Variants in AOPEP observed in about 807,000 individuals in gnomAD.
The protein encoded by AOPEP is aminopeptidase O.
A neutral mutation model predicts 98.1 loss-of-function variants in AOPEP; 77 were observed. The observed-to-expected ratio is 0.78, with a 90% CI of 0.65 to 0.95. AOPEP has a LOEUF of 0.95. Ranked by LOEUF, AOPEP falls within the 40% of genes least tolerant of loss-of-function variation. The probability of loss-of-function intolerance (pLI) is 0.00; values close to 1 mark genes in which losing one functional copy is unlikely to be tolerated. For synonymous variants in AOPEP, 346 were observed against 365.3 expected, an observed-to-expected ratio of 0.95 and a Z score of 0.60; for missense variants, 1,024 against 1,024.7, an observed-to-expected ratio of 1.00 and a Z score of 0.01.
intron 6 of AOPEP, among the ~76,000 whole-genome samples, chr9:94,928,017 C>G (rs1214121355): frequency 2.6e-5 from 4 of 152,220 alleles, no homozygotes; most frequent in Non-Finnish European, 4.4e-5. Context: ...CAGTCCTTAA[C>G]AAAATTGAGG....
intron 1 of AOPEP, among the ~76,000 whole-genome samples, chr9:94,734,745 T>A (rs1369569289): frequency 6.6e-6 from 1 of 152,250 alleles, no homozygotes; most frequent in Admixed American, 6.5e-5. Context: ...CCCAGCCAAT[T>A]CAACCTAATT....
chr9:94,733,770 C>A (rs1831108468), intron 1 of AOPEP, among the ~76,000 whole-genome samples: 1 of 152,130 alleles, frequency 6.6e-6, no homozygotes, highest in African/African-American at 2.4e-5. Context: ...ATACCAAATG[C>A]ATTTTCTTAC....
chr9:94,949,772 A>G (rs1487599271), intron 7 of AOPEP, among the ~76,000 whole-genome samples: 2 of 152,242 alleles, frequency 1.3e-5, no homozygotes, highest in Admixed American at 1.3e-4. Context: ...GAAAATTGTC[A>G]CCGAAAACAA....
At chr9:95,085,897 C>G (rs1037645669) in intron 16 of AOPEP, 1 of 1,208,226 alleles carries the variant, frequency 8.3e-7, no homozygotes, top group Middle Eastern at 3.7e-4. Context: ...TCCTGTTGTT[C>G]TGGGCGCGGT....
At chr9:94,944,467 G>A (rs1020175948) in intron 7 of AOPEP, among the ~76,000 whole-genome samples, 8 of 152,170 alleles carry the variant, frequency 5.3e-5, no homozygotes, top group African/African-American at 1.4e-4. Flanking sequence ...TATGCTCAGC[G>A]GAAAAAGCTG....
intron 3 of AOPEP, among the ~76,000 whole-genome samples, chr9:94,791,416 C>T (rs1302820494): frequency 6.6e-6 from 1 of 151,904 alleles, no homozygotes; most frequent in African/African-American, 2.4e-5. Flanking sequence ...GCCTGTAATT[C>T]CAGCACTTCA....
At chr9:94,888,872 C>T (rs1051545606) in intron 5 of AOPEP, among the ~76,000 whole-genome samples, 7 of 152,292 alleles carry the variant, frequency 4.6e-5, no homozygotes, top group South Asian at 2.1e-4. Flanking sequence ...TGCATGTGTA[C>T]GTGTATAGTT....
intron 9 of AOPEP, among the ~76,000 whole-genome samples, chr9:94,960,985 G>A (rs1483688776): frequency 1.3e-5 from 2 of 148,594 alleles, no homozygotes; most frequent in African/African-American, 5.0e-5. Flanking sequence ...CTGCACTCCG[G>A]CCTGGGCGAC....
At chr9:94,888,801 G>A (rs536771674) in intron 5 of AOPEP, among the ~76,000 whole-genome samples, 1 of 152,256 alleles carries the variant, frequency 6.6e-6, no homozygotes, top group South Asian at 2.1e-4. Flanking sequence ...GACAACAAGA[G>A]ACTATTACAT....
At chr9:94,872,106 C>G (rs2046413259) in intron 5 of AOPEP, among the ~76,000 whole-genome samples, 1 of 152,148 alleles carries the variant, frequency 6.6e-6, no homozygotes, top group African/African-American at 2.4e-5. Context: ...AAAGTAGTGT[C>G]TAGAATTTCC....
chr9:94,728,765 C>T (rs769660364), intron 1 of AOPEP, among the ~76,000 whole-genome samples: 8 of 152,112 alleles, frequency 5.3e-5, no homozygotes, highest in Non-Finnish European at 1.0e-4. Context: ...TCAGGCTATG[C>T]GGGGCACGAG....
At chr9:94,772,940 G>A (rs1290043376) in intron 2 of AOPEP, 62 bp from the exon 3 acceptor site, 2 of 1,480,526 alleles carry the variant, frequency 1.4e-6, no homozygotes, top group South Asian at 1.3e-5. Flanking sequence ...CCATACTGGT[G>A]AGAAAAGTGA....
chr9:94,854,965 A>G (rs2043995643), intron 5 of AOPEP, among the ~76,000 whole-genome samples: 1 of 152,248 alleles, frequency 6.6e-6, no homozygotes, highest in African/African-American at 2.4e-5. Context: ...TGTAACAAGC[A>G]TGTATAAAAT....
At chr9:94,845,093 C>A (rs943146410) in intron 5 of AOPEP, among the ~76,000 whole-genome samples, 13 of 152,246 alleles carry the variant, frequency 8.5e-5, no homozygotes, top group African/African-American at 3.1e-4. Context: ...TAGGCAGATG[C>A]ATGAATATTT....
intron 11 of AOPEP, among the ~76,000 whole-genome samples, chr9:94,995,747 A>T (rs921948342): frequency 1.3e-5 from 2 of 152,220 alleles, no homozygotes; most frequent in Non-Finnish European, 2.9e-5. Context: ...AGATTCTAAC[A>T]TACCTAATAT....
chr9:94,875,347 G>GAAAAAAAAA (rs71366265), intron 5 of AOPEP, among the ~76,000 whole-genome samples: 30 of 71,524 alleles, frequency 4.2e-4, no homozygotes, highest in African/African-American at 1.6e-3. Flanking sequence ...AATTGAGCAA[G>GAAAAAAAAA]AAAAAAAAAA....
Position 94,885,344 on chromosome 9 carries a change from G to GTC in AOPEP, c.1365-38639_1365-38638dup, listed in dbSNP as rs1379886924. Among the ~76,000 whole-genome samples, 6 of 60,340 alleles carry GTC rather than the reference G, an allele frequency of 9.9e-5. No individual in the cohort carries two copies. The East Asian group carries it at 3.6e-3, about 37-fold the overall frequency. 39.6% of individuals were successfully genotyped at this position (60,340 alleles called of 152,430 possible). A position where few individuals can be genotyped will look rare whatever the true frequency, so the allele number is the denominator to read the frequency against. ...AGCCTGGGTGACAGAGTGAGATCCT[G>GTC]TCTCAAAAAAAAAAAAAAAAAAAAA... On this transcript the variant is annotated intron_variant, in intron 5 of 16. Transcript: ENST00000375315.
chr9:94,963,479 GA>G (rs912638848), intron 9 of AOPEP, among the ~76,000 whole-genome samples: 22 of 151,298 alleles, frequency 1.5e-4, no homozygotes, highest in Non-Finnish European at 2.4e-4. Context: ...AGTAGGAAAT[GA>G]AAAAAAAATT....
chr9:94,878,620 A>C (rs1340154681), intron 5 of AOPEP, among the ~76,000 whole-genome samples: 1 of 152,118 alleles, frequency 6.6e-6, no homozygotes, highest in Non-Finnish European at 1.5e-5. Flanking sequence ...ATTAGGTTCT[A>C]CTATTAGGGG....
Sources: gnomAD v4.1 joint callset for allele counts (sites outside exome capture counted in the v4.1 genomes callset) on GRCh38, gnomAD v4.1.1 for gene constraint, MANE v1.5 for transcripts, NCBI Gene and HGNC (gene_info 2026-07-23, HGNC 2026-07-21) for gene names.